NIN: variants seen among roughly 807,000 people sequenced by gnomAD.
The protein encoded by NIN is ninein, also known as glycogen synthase kinase 3 beta-interacting protein.
NIN carries 137 observed loss-of-function variants against 257.6 expected under a neutral mutation model. The observed-to-expected ratio is 0.53, with a 90% CI of 0.46 to 0.61. NIN has a LOEUF of 0.61. NIN is among the 20% of genes least tolerant of loss of function. NIN has a pLI of 0.00. For synonymous variants in NIN, 918 were observed against 919.8 expected, an observed-to-expected ratio of 1.00 and a Z score of 0.04; for missense variants, 2,439 against 2,501.2, an observed-to-expected ratio of 0.98 and a Z score of 0.53.
rs780596352 is a variant in NIN at position 50,758,572 on chromosome 14, A to C, written c.2458T>G (p.Ser820Ala). ...CTCTCAGTGACTTTCTGACAATCAG[A>C]CTGAAACTGGGCTTCTATTTGAGAG... ...RTSQIEAQFQ[S>A]DCQKVTERCE... is the part of the protein sequence containing the mutation. Residue 820 changes from serine (S) to alanine (A), a missense_variant, in exon 18 of 31, where the codon TCT becomes GCT. By Grantham distance (99) the Ser-to-Ala change is moderately conservative (BLOSUM62 1). Transcript: ENST00000530997. The C allele has an allele frequency of 1.9e-6, 3 of 1,607,700 alleles. No homozygotes were observed. Among genetic ancestry groups the C allele is most frequent in the Middle Eastern group, 3.3e-4 (2 of 6,024 alleles).
intron 6 of NIN, 46 bp downstream of exon 6, chr14:50,778,719 G>T: frequency 6.3e-7 from 1 of 1,586,944 alleles, no homozygotes; most frequent in Non-Finnish European, 8.7e-7. Context: ...GAGAGCACCC[G>T]GCGGCCCTTC....
chr14:50,800,329 G>C (rs79591203), intron 4 of NIN, among the ~76,000 whole-genome samples: 115 of 152,254 alleles, frequency 7.6e-4, no homozygotes, highest in African/African-American at 2.4e-3. Flanking sequence ...TCAGAAAAAA[G>C]TGTTTCAGAT....
chr14:50,765,571 A>T (rs1246599217), intron 14 of NIN, among the ~76,000 whole-genome samples: 1 of 152,116 alleles, frequency 6.6e-6, no homozygotes, highest in Non-Finnish European at 1.5e-5. Flanking sequence ...AAAAATTCAA[A>T]TTCCTAACTT....
chr14:50,799,924 G>A lies in NIN; in HGVS notation c.265+6813C>T, dbSNP rs531793090. Among the ~76,000 whole-genome samples the A allele has an allele frequency of 1.5e-3, 226 of 152,076 alleles. 1 individual carries two copies. Among genetic ancestry groups the A allele is most frequent in the African/African-American group, 4.7e-3 (196 of 41,468 alleles). On this transcript the variant is annotated intron_variant, in intron 4 of 30. Transcript: ENST00000530997. ...CGGGAGGCAGAGGTTGCAGTGAGCCGAGATTGCACCATTGCATTCCAGCTT... is the reference window on the plus strand; with the variant it reads ...CGGGAGGCAGAGGTTGCAGTGAGCCAAGATTGCACCATTGCATTCCAGCTT...
chr14:50,749,956 G>C (rs1331232638), intron 21 of NIN, among the ~76,000 whole-genome samples: 1 of 152,142 alleles, frequency 6.6e-6, no homozygotes, highest in Non-Finnish European at 1.5e-5. Context: ...ACCTCACAAA[G>C]TGCTGGGACT....
chr14:50,829,432 T>G (rs942910561), intron 2 of NIN, among the ~76,000 whole-genome samples: 1 of 152,232 alleles, frequency 6.6e-6, no homozygotes. Context: ...GTGTGTATGT[T>G]ATGGTGTTTA....
chr14:50,767,903 G>C (rs2042570969), intron 12 of NIN, among the ~76,000 whole-genome samples: 1 of 151,374 alleles, frequency 6.6e-6, no homozygotes, highest in African/African-American at 2.4e-5. Flanking sequence ...ATTTCTTTTG[G>C]TTTAAAGATA....
At chr14:50,745,723 C>A (rs1231309884) in intron 22 of NIN, among the ~76,000 whole-genome samples, 4 of 152,196 alleles carry the variant, frequency 2.6e-5, no homozygotes, top group African/African-American at 9.7e-5. Flanking sequence ...TCTTCCTACC[C>A]TCCAGACACC....
intron 5 of NIN, among the ~76,000 whole-genome samples, chr14:50,782,186 A>C (rs1333544405): frequency 2.6e-5 from 4 of 152,206 alleles, no homozygotes; most frequent in Non-Finnish European, 5.9e-5. Context: ...TATGGGTAGC[A>C]CTGTAAATGA....
At chr14:50,723,922 T>G in intron 30 of NIN, 1 of 413,918 alleles carries the variant, frequency 2.4e-6, no homozygotes, top group Non-Finnish European at 4.3e-6. Flanking sequence ...AGATTGATAT[T>G]AGATGGCACC....
rs2043369314 is a variant in NIN at position 50,786,878 on chromosome 14, C to T, written c.435+5834G>A. ...ATAATTCATAAACTGCAAAGTTATG[C>T]ATACATGAAAATGAACATAAGGGAA... On this transcript the variant is annotated intron_variant, in intron 5 of 30. Coordinates refer to ENST00000530997, the MANE Select transcript of NIN (RefSeq NM_020921.4). Among the ~76,000 whole-genome samples the T allele has an allele frequency of 5.3e-5, 8 of 152,212 alleles. 1 individual carries two copies. Among genetic ancestry groups the T allele is most frequent in the Admixed American group, 5.2e-4 (8 of 15,288 alleles).
chr14:50,774,772 C>G (rs541882559), intron 7 of NIN, among the ~76,000 whole-genome samples: 1 of 152,336 alleles, frequency 6.6e-6, no homozygotes, highest in South Asian at 2.1e-4. Flanking sequence ...AAAGACCTCG[C>G]ACCTGGAAAG....
chr14:50,745,189 G>C (rs914561789), intron 22 of NIN, among the ~76,000 whole-genome samples: 1 of 152,114 alleles, frequency 6.6e-6, no homozygotes, highest in Admixed American at 6.5e-5. Context: ...TTTTGGGCTG[G>C]ATAATTCTTC....
rs1027426783 is a variant in NIN, at chr14:50,812,941, TAA to T, written c.184-6125_184-6124del. On this transcript the variant is annotated intron_variant, in intron 3 of 30. Coordinates refer to ENST00000530997, the MANE Select transcript of NIN (RefSeq NM_020921.4). Reference sequence around the variant, plus strand: ...GCTGGCCCAAACCATTAGAGCAGCTTAAGTCTTGCATTGATCTTTATTTTCCT... The same window carrying T: ...GCTGGCCCAAACCATTAGAGCAGCTTGTCTTGCATTGATCTTTATTTTCCT... 8.5e-5 allele frequency among the ~76,000 whole-genome samples: 13 copies of T among 152,342 alleles called. No individual in the cohort carries two copies. The South Asian group carries it at 1.5e-3, about 17-fold the overall frequency.
chr14:50,730,088 G>A (rs1373121802), intron 28 of NIN, among the ~76,000 whole-genome samples: 1 of 152,070 alleles, frequency 6.6e-6, no homozygotes, highest in Non-Finnish European at 1.5e-5. Context: ...AAGTGGCTAT[G>A]CTTTAGGGTT....
chr14:50,776,661 C>T (rs560956536), intron 7 of NIN, among the ~76,000 whole-genome samples: 3 of 152,222 alleles, frequency 2.0e-5, no homozygotes, highest in Non-Finnish European at 2.9e-5. Flanking sequence ...TCTACAAATA[C>T]ATCTGACATC....
At chr14:50,823,190 T>C (rs370070767) in intron 2 of NIN, 1 of 564,950 alleles carries the variant, frequency 1.8e-6, no homozygotes, top group Non-Finnish European at 3.6e-6. Context: ...AGTTCATTTT[T>C]AACGTGCTGG....
intron 3 of NIN, among the ~76,000 whole-genome samples, chr14:50,813,147 C>T (rs566524463): frequency 6.6e-6 from 1 of 152,332 alleles, no homozygotes. Flanking sequence ...ATGAACACCC[C>T]CACCGGTGGG....
At chr14:50,737,678 C>A (rs549051685) in intron 27 of NIN, among the ~76,000 whole-genome samples, 29 of 145,746 alleles carry the variant, frequency 2.0e-4, no homozygotes, top group Non-Finnish European at 4.3e-4. Context: ...CAGAGTCTCA[C>A]TCTGTTACCC....
Sources: allele counts gnomAD v4.1 joint callset (sites outside exome capture counted in the v4.1 genomes callset), GRCh38; gene constraint gnomAD v4.1.1; transcripts MANE v1.5; gene names NCBI Gene and HGNC (gene_info 2026-07-23, HGNC 2026-07-21).